Variants in DLG2 observed in about 807,000 individuals in gnomAD.
DLG2 encodes discs large MAGUK scaffold protein 2.
In DLG2, 45 loss-of-function variants were observed where a neutral mutation model predicts 132.5. That is an observed-to-expected ratio of 0.34 (90% CI 0.27 to 0.44). DLG2 has a LOEUF of 0.44. DLG2 is among the 20% of genes least tolerant of loss of function. The pLI is 1.00. For synonymous variants in DLG2, 424 were observed against 419.6 expected, an observed-to-expected ratio of 1.01 and a Z score of -0.13; for missense variants, 1,045 against 1,196.9, an observed-to-expected ratio of 0.87 and a Z score of 1.87.
chr11:84,764,240 C>G (rs947438183), intron 6 of DLG2, among the ~76,000 whole-genome samples: 4 of 152,108 alleles, frequency 2.6e-5, no homozygotes, highest in Non-Finnish European at 4.4e-5. Context: ...GGCCAAATGT[C>G]CCAGTGCTAT....
chr11:85,616,290 GA>G (rs1251023893), intron 2 of DLG2, among the ~76,000 whole-genome samples: 1 of 151,938 alleles, frequency 6.6e-6, no homozygotes, highest in Non-Finnish European at 1.5e-5. Context: ...ATGGGAAAAA[GA>G]AACAGTATAT....
chr11:85,079,500 T>G (rs948375474), intron 6 of DLG2, among the ~76,000 whole-genome samples: 2 of 151,640 alleles, frequency 1.3e-5, no homozygotes, highest in African/African-American at 4.8e-5. Context: ...TTTTTTTTTT[T>G]TTTTGGTTTA....
At chr11:84,054,175 G>T (rs2096456874) in intron 11 of DLG2, among the ~76,000 whole-genome samples, 1 of 152,062 alleles carries the variant, frequency 6.6e-6, no homozygotes, top group Admixed American at 6.6e-5. Context: ...CATCTTAAAA[G>T]AAGTCATCTA....
At chr11:85,104,449 G>A (rs1021896808) in intron 6 of DLG2, among the ~76,000 whole-genome samples, 6 of 151,776 alleles carry the variant, frequency 4.0e-5, no homozygotes, top group South Asian at 2.1e-4. Context: ...GAAAAAAGCC[G>A]GTCACAAAGG....
At chr11:84,380,384 T>C (rs1417377852) in intron 7 of DLG2, among the ~76,000 whole-genome samples, 2 of 151,952 alleles carry the variant, frequency 1.3e-5, no homozygotes, top group Non-Finnish European at 2.9e-5. Flanking sequence ...TCAACAAATG[T>C]CAAAGAGTCT....
intron 6 of DLG2, among the ~76,000 whole-genome samples, chr11:84,584,052 T>G (rs887016591): frequency 6.6e-5 from 10 of 152,176 alleles, no homozygotes; most frequent in Admixed American, 6.5e-4. Flanking sequence ...AATTTCTCTA[T>G]GGTATATATA....
chr11:85,502,737 C>T (rs528562994), intron 3 of DLG2, among the ~76,000 whole-genome samples: 52 of 152,060 alleles, frequency 3.4e-4, no homozygotes, highest in African/African-American at 1.1e-3. Context: ...TTGATAGGTG[C>T]GGCAAACCAC....
chr11:85,385,931 A>G (rs2086285417), intron 3 of DLG2, among the ~76,000 whole-genome samples: 2 of 152,224 alleles, frequency 1.3e-5, no homozygotes, highest in African/African-American at 2.4e-5. Flanking sequence ...ACATTCCCTG[A>G]AAACTGACTT....
rs537767653 is a variant in DLG2 at position 83,749,639 on chromosome 11, CAG to C, written c.1825+37049_1825+37050del. ...TGCCATCTTTGAGTTTAAGCACTAACAGAGAGAAATGCATCTCTAAGATGCAA... is the reference window on the plus strand; with the variant it reads ...TGCCATCTTTGAGTTTAAGCACTAACAGAGAAATGCATCTCTAAGATGCAA... On this transcript the variant is annotated intron_variant, in intron 18 of 27. Transcript: ENST00000376104. Among the ~76,000 whole-genome samples, 344 of 152,266 alleles carry C rather than the reference CAG, an allele frequency of 2.3e-3. 2 individuals are homozygous for C. The highest frequency in any genetic ancestry group is 4.1e-3 in the Non-Finnish European group (276 of 68,012).
At chr11:84,073,412 C>G (rs1379340816) in intron 10 of DLG2, among the ~76,000 whole-genome samples, 1 of 151,696 alleles carries the variant, frequency 6.6e-6, no homozygotes, top group Non-Finnish European at 1.5e-5. Flanking sequence ...AATAATAAGA[C>G]CTCAAATATA....
At chr11:85,378,894 G>A (rs1209143427) in intron 3 of DLG2, among the ~76,000 whole-genome samples, 6 of 152,050 alleles carry the variant, frequency 3.9e-5, no homozygotes, top group Non-Finnish European at 8.8e-5. Context: ...TAGGTATTCT[G>A]ACAGGAAAAA....
intron 17 of DLG2, chr11:83,791,416 T>C (rs1361348918): frequency 1.2e-5 from 8 of 692,692 alleles, no homozygotes; most frequent in Admixed American, 2.1e-5. Context: ...CCTGTTGATA[T>C]CGCAGTTGGC....
intron 6 of DLG2, among the ~76,000 whole-genome samples, chr11:84,970,003 A>C (rs2053852876): frequency 6.6e-6 from 1 of 152,000 alleles, no homozygotes; most frequent in African/African-American, 2.4e-5. Context: ...AACATCACAT[A>C]ACGGGGCCTT....
At chr11:85,513,647 C>G (rs1015708130) in intron 3 of DLG2, among the ~76,000 whole-genome samples, 4 of 151,948 alleles carry the variant, frequency 2.6e-5, no homozygotes, top group African/African-American at 9.7e-5. Flanking sequence ...TTTCTAATAG[C>G]TCCTTCCATG....
intron 11 of DLG2, among the ~76,000 whole-genome samples, chr11:84,012,416 G>T (rs753758640): frequency 2.6e-5 from 4 of 152,136 alleles, no homozygotes; most frequent in Non-Finnish European, 5.9e-5. Context: ...AAAACTTGGT[G>T]AGACTTCCAA....
intron 10 of DLG2, 49 bp from the exon 11 acceptor site, chr11:84,059,533 C>A: frequency 7.2e-7 from 1 of 1,385,106 alleles, no homozygotes; most frequent in Non-Finnish European, 9.7e-7. Context: ...AGCAGGATTT[C>A]TTAAAGAATA....
chr11:83,479,373 AC>A (rs886356794), intron 22 of DLG2, among the ~76,000 whole-genome samples: 12 of 122,794 alleles, frequency 9.8e-5, no homozygotes, highest in African/African-American at 3.7e-4. Context: ...CCATGCTATA[AC>A]GGGGGGGGGA....
Position 84,397,350 on chromosome 11 carries a change from T to C in DLG2, c.519+137220A>G, listed in dbSNP as rs2098814199. ...TATCACTTCATTCTAAATTATAAAC[T>C]TCTATCTGAGACAATGCTATGTGCT... On this transcript the variant is annotated intron_variant, in intron 7 of 27. Coordinates refer to ENST00000376104, the MANE Select transcript of DLG2 (RefSeq NM_001142699.3). 2.6e-5 allele frequency among the ~76,000 whole-genome samples: 4 copies of C among 152,240 alleles called. No homozygotes were observed. The South Asian group carries it at 8.3e-4, about 31-fold the overall frequency.
chr11:85,276,925 A>G (rs764098849), intron 4 of DLG2, among the ~76,000 whole-genome samples: 1 of 152,232 alleles, frequency 6.6e-6, no homozygotes, highest in Non-Finnish European at 1.5e-5. Context: ...GTCAAACACT[A>G]TAACAGAGGC....
Sources: allele counts gnomAD v4.1 joint callset (sites outside exome capture counted in the v4.1 genomes callset), GRCh38; gene constraint gnomAD v4.1.1; transcripts MANE v1.5; gene names NCBI Gene and HGNC (gene_info 2026-07-23, HGNC 2026-07-21).